The following MIGA1 variants were observed in gnomAD, a reference collection of about 807,000 sequenced individuals.
MIGA1 encodes family with sequence similarity 73, member A.
Under a neutral mutation model 82.0 loss-of-function variants are expected in MIGA1, and 58 were observed. The ratio of observed to expected loss-of-function variants is 0.71; its 90% CI spans 0.57 to 0.88. MIGA1 has a LOEUF of 0.88. Ranked by LOEUF, MIGA1 falls within the 40% of genes least tolerant of loss-of-function variation. The probability of loss-of-function intolerance (pLI) is 0.00; values close to 1 mark genes in which losing one functional copy is unlikely to be tolerated. For synonymous variants in MIGA1, 249 were observed against 253.6 expected (o/e 0.98, Z 0.17); for missense variants, 751 against 749.1 (o/e 1.00, Z -0.03).
intron 7 of MIGA1, among the ~76,000 whole-genome samples, chr1:77,833,022 G>C (rs769129050): frequency 1.7e-4 from 26 of 152,222 alleles, no homozygotes; most frequent in Non-Finnish European, 3.7e-4. Flanking sequence ...GACCACTAGA[G>C]AGATGTTATT....
intron 7 of MIGA1, among the ~76,000 whole-genome samples, chr1:77,829,342 T>C (rs571710014): frequency 1.4e-4 from 22 of 152,302 alleles, no homozygotes. Context: ...TCTCAGCTAC[T>C]TGGGAGGCTG....
chr1:77,850,550 A>C (rs553492236), intron 8 of MIGA1, among the ~76,000 whole-genome samples: 1 of 152,344 alleles, frequency 6.6e-6, no homozygotes, highest in African/African-American at 2.4e-5. Context: ...AACTTAGCCT[A>C]TTTCATGTCC....
Position 77,783,266 on chromosome 1 carries a change from C to T in MIGA1, c.110C>T (p.Thr37Ile), listed in dbSNP as rs764282870. 1 of 1,592,190 alleles carries T rather than the reference C, an allele frequency of 6.3e-7. No individual in the cohort carries two copies. The highest frequency in any genetic ancestry group is 1.1e-5 in the South Asian group (1 of 87,766). ...AGAAGAGGAGCCATGTCAGAAGAAA[C>T]AGTAAGTGAATCACAGTTTTCCTTG... The change falls in exon 2 of 16, where the codon ACA (threonine) becomes ATA (isoleucine). Residue 37 changes from threonine (T) to isoleucine (I), a missense_variant. Around this residue, in one of 3 missense-constraint regions of MIGA1, gnomAD observed 482 missense variants for 439.4 expected, o/e 1.10. Coordinates refer to ENST00000370791, the MANE Select transcript of MIGA1 (RefSeq NM_198549.4).
intron 8 of MIGA1, chr1:77,847,494 C>T (rs1163630277): frequency 2.2e-5 from 31 of 1,416,804 alleles, no homozygotes; most frequent in South Asian, 5.8e-5. Context: ...ACAGAGAGAA[C>T]GAGAAATGGA....
intron 9 of MIGA1, 97 bp from the exon 10 acceptor site, chr1:77,859,212 TTTATA>T: frequency 9.4e-7 from 1 of 1,067,422 alleles, no homozygotes; most frequent in Admixed American, 1.9e-5. Context: ...AAAAACATGT[TTTATA>T]TTAAGGTCCT....
At chr1:77,869,442 C>G (rs1472368833) in intron 14 of MIGA1, among the ~76,000 whole-genome samples, 1 of 145,980 alleles carries the variant, frequency 6.9e-6, no homozygotes, top group African/African-American at 2.5e-5. Context: ...TGGCCCATCC[C>G]CAATGAGCCG....
intron 8 of MIGA1, chr1:77,847,732 G>A (rs1013079861): frequency 1.9e-6 from 3 of 1,587,352 alleles, no homozygotes; most frequent in Non-Finnish European, 1.7e-6. Flanking sequence ...GTACCTAAAT[G>A]CAGCTTTCGT....
chr1:77,852,396 A>T (rs551396165), intron 8 of MIGA1, among the ~76,000 whole-genome samples: 13 of 152,284 alleles, frequency 8.5e-5, no homozygotes, highest in Non-Finnish European at 1.6e-4. Context: ...TCCTTAAAAT[A>T]TGAGGGGAAA....
intron 2 of MIGA1, among the ~76,000 whole-genome samples, chr1:77,793,180 T>A (rs1682500936): frequency 6.6e-6 from 1 of 152,116 alleles, no homozygotes; most frequent in African/African-American, 2.4e-5. Context: ...ATCGGCTCAT[T>A]GTAGCCTCAA....
intron 6 of MIGA1, among the ~76,000 whole-genome samples, chr1:77,814,828 A>G (rs1356012430): frequency 1.3e-5 from 2 of 152,132 alleles, no homozygotes; most frequent in Non-Finnish European, 2.9e-5. Context: ...GTGATAATGA[A>G]GCTGCTGGCT....
chr1:77,781,652 C>CAT (rs1373708805), intron 1 of MIGA1, among the ~76,000 whole-genome samples: 1 of 152,120 alleles, frequency 6.6e-6, no homozygotes, highest in Non-Finnish European at 1.5e-5. Context: ...ACTTTTTAAT[C>CAT]ATATGTCTCT....
In MIGA1 at chr1:77,869,484, G is replaced by C. The variant is rs1288941141; in HGVS notation, c.1563+3093G>C. 1.1e-3 allele frequency among the ~76,000 whole-genome samples: 144 copies of C among 136,912 alleles called. 1 individual carries two copies. The highest frequency in any genetic ancestry group is 3.9e-3 in the African/African-American group (140 of 36,282). The allele number at this position is 136,912 out of a possible 152,430, so 89.8% of individuals were successfully genotyped here. On this transcript the variant is annotated intron_variant, in intron 14 of 15. Transcript: ENST00000370791. ...ACACCTCCCAGACGGGGTCGTGGCC[G>C]GGCAGAGGGGCTCCTCACTTCCCAG... is the stretch of plus-strand genomic sequence containing the variant.
At chr1:77,809,717 A>C (rs1430133775) in intron 5 of MIGA1, among the ~76,000 whole-genome samples, 1 of 152,018 alleles carries the variant, frequency 6.6e-6, no homozygotes, top group African/African-American at 2.4e-5. Context: ...AGAAAGGAGA[A>C]TAGATAGTGA....
chr1:77,804,851 A>G (rs1683027631), intron 4 of MIGA1, among the ~76,000 whole-genome samples: 1 of 151,626 alleles, frequency 6.6e-6, no homozygotes, highest in African/African-American at 2.4e-5. Context: ...CTGGTCTCGA[A>G]CTCCTGACCT....
intron 1 of MIGA1, among the ~76,000 whole-genome samples, chr1:77,781,747 G>C (rs992860336): frequency 7.2e-5 from 11 of 152,122 alleles, no homozygotes; most frequent in Non-Finnish European, 1.0e-4. Context: ...ACACTGGTAG[G>C]GGGGATTAAG....
At chr1:77,826,575 A>T (rs1437232628) in intron 7 of MIGA1, among the ~76,000 whole-genome samples, 2 of 152,184 alleles carry the variant, frequency 1.3e-5, no homozygotes, top group Non-Finnish European at 2.9e-5. Flanking sequence ...TCCTGGGTCC[A>T]AGTGATTCTC....
At chr1:77,789,933 C>G (rs1164779605) in intron 2 of MIGA1, among the ~76,000 whole-genome samples, 1 of 151,922 alleles carries the variant, frequency 6.6e-6, no homozygotes, top group Non-Finnish European at 1.5e-5. Flanking sequence ...ATTATAAAAC[C>G]CTCCCAAAAG....
At chr1:77,813,926 GT>G (rs1268611672) in intron 6 of MIGA1, 59 bp downstream of exon 6, 1 of 1,580,560 alleles carries the variant, frequency 6.3e-7, no homozygotes, top group Non-Finnish European at 8.6e-7. Context: ...CTTTTTTTTT[GT>G]TTTTTTGGTA....
chr1:77,817,665 C>G (rs545323334), intron 7 of MIGA1, among the ~76,000 whole-genome samples: 1 of 152,278 alleles, frequency 6.6e-6, no homozygotes, highest in African/African-American at 2.4e-5. Context: ...GGGAGCAGCT[C>G]TTTTACAACT....
Sources: allele counts gnomAD v4.1 joint callset (sites outside exome capture counted in the v4.1 genomes callset), GRCh38; gene constraint gnomAD v4.1.1; regional missense constraint gnomAD v4.1.1; transcripts MANE v1.5; gene names NCBI Gene and HGNC (gene_info 2026-07-23, HGNC 2026-07-21).